Variants in CGAS observed in about 807,000 individuals in gnomAD.
CGAS encodes the protein cyclic GMP-AMP synthase, also known as 2'3'-cGAMP synthase.
CGAS carries 31 observed loss-of-function variants against 34.0 expected under a neutral mutation model. That is an observed-to-expected ratio of 0.91 (90% CI 0.69 to 1.23). The LOEUF (loss-of-function observed/expected upper bound fraction) is 1.23. CGAS is among the 50% of genes most tolerant of loss of function. The pLI is 0.00. For synonymous variants in CGAS, 266 were observed against 260.0 expected (o/e 1.02, Z -0.22); for missense variants, 597 against 657.6 (o/e 0.91, Z 1.01).
chr6:73,429,895 C>T (rs767772913), intron 3 of CGAS, among the ~76,000 whole-genome samples: 25 of 152,046 alleles, frequency 1.6e-4, no homozygotes, highest in African/African-American at 4.1e-4. Flanking sequence ...CCTGTTACTT[C>T]GTGGTTTTAT....
At chr6:73,449,501 A>ACACACACACACC (rs1301423212) in intron 1 of CGAS, among the ~76,000 whole-genome samples, 8 of 151,552 alleles carry the variant, frequency 5.3e-5, no homozygotes, top group Admixed American at 6.6e-5. Flanking sequence ...ACACACACAC[A>ACACACACACACC]CACACACAAA....
At chr6:73,436,628 T>A (rs992328324) in intron 3 of CGAS, among the ~76,000 whole-genome samples, 17 of 151,838 alleles carry the variant, frequency 1.1e-4, no homozygotes, top group Non-Finnish European at 2.2e-4. Context: ...GCTCAAGTGA[T>A]CCCCTGACAT....
At chr6:73,432,392 C>T (rs766431736) in intron 3 of CGAS, among the ~76,000 whole-genome samples, 5 of 152,088 alleles carry the variant, frequency 3.3e-5, no homozygotes, top group Non-Finnish European at 5.9e-5. Flanking sequence ...CACTCCTGAC[C>T]TCAGGTGACC....
intron 1 of CGAS, among the ~76,000 whole-genome samples, chr6:73,450,039 A>AAG (rs35518684): frequency 4.1e-3 from 612 of 148,322 alleles, no homozygotes; most frequent in Middle Eastern, 0.014. Context: ...GAACAAAATA[A>AAG]AGAGAGAGAG....
intron 3 of CGAS, among the ~76,000 whole-genome samples, chr6:73,433,484 G>GTT (rs544194036): frequency 2.0e-3 from 285 of 139,620 alleles, no homozygotes; most frequent in African/African-American, 7.3e-3. Flanking sequence ...TTTATAGAGA[G>GTT]TTTTTTTTTT....
intron 2 of CGAS, among the ~76,000 whole-genome samples, chr6:73,445,020 G>T (rs1405830331): frequency 6.6e-6 from 1 of 152,062 alleles, no homozygotes; most frequent in Non-Finnish European, 1.5e-5. Flanking sequence ...GGATATGTTT[G>T]GTTATAGATT....
chr6:73,449,356 TC>T (rs1302205648), intron 1 of CGAS, among the ~76,000 whole-genome samples: 1 of 151,820 alleles, frequency 6.6e-6, no homozygotes, highest in African/African-American at 2.4e-5. Flanking sequence ...GCGCCTGTAG[TC>T]CCAGCTACTT....
intron 3 of CGAS, chr6:73,439,894 C>G: frequency 3.6e-6 from 1 of 279,070 alleles, no homozygotes; most frequent in South Asian, 4.7e-5. Context: ...ATTCACACAA[C>G]TAGTAGAAGG....
At chr6:73,429,640 C>A (rs1770153697) in intron 3 of CGAS, among the ~76,000 whole-genome samples, 1 of 150,188 alleles carries the variant, frequency 6.7e-6, no homozygotes, top group Non-Finnish European at 1.5e-5. Context: ...TCCTGGCTAA[C>A]ACAGTGAAAC....
intron 3 of CGAS, among the ~76,000 whole-genome samples, chr6:73,431,030 A>T (rs1326528401): frequency 6.6e-6 from 1 of 152,046 alleles, no homozygotes; most frequent in Non-Finnish European, 1.5e-5. Context: ...TGAATTCAGG[A>T]GGCAGAGGTT....
At chr6:73,431,943 T>C (rs900815037) in intron 3 of CGAS, among the ~76,000 whole-genome samples, 6 of 151,338 alleles carry the variant, frequency 4.0e-5, no homozygotes, top group Admixed American at 4.0e-4. Context: ...AATCTTCTCA[T>C]GTTAGCCGTT....
intron 1 of CGAS, among the ~76,000 whole-genome samples, chr6:73,450,688 T>C (rs1201723034): frequency 6.6e-6 from 1 of 151,856 alleles, no homozygotes; most frequent in Non-Finnish European, 1.5e-5. Context: ...GATTTCTGTG[T>C]AAGAAACTGG....
chr6:73,444,537 G>T (rs1241615702), intron 2 of CGAS, among the ~76,000 whole-genome samples: 2 of 146,884 alleles, frequency 1.4e-5, no homozygotes, highest in Admixed American at 1.4e-4. Flanking sequence ...TCAAACTCCT[G>T]AGCTCAGGTG....
At chr6:73,427,278 CTTTATTTATTTA>C (rs10628387) in intron 4 of CGAS, among the ~76,000 whole-genome samples, 25,587 of 143,496 alleles carry the variant, frequency 0.18, 2,569 homozygotes, top group Non-Finnish European at 0.21. Context: ...GGCCAACTTA[CTTTATTTATTTA>C]TTTATTTATT....
At chr6:73,449,067 T>A (rs1770516206) in intron 1 of CGAS, among the ~76,000 whole-genome samples, 1 of 150,654 alleles carries the variant, frequency 6.6e-6, no homozygotes, top group African/African-American at 2.4e-5. Context: ...CCACCCTGGG[T>A]GACAGAGCAA....
intron 3 of CGAS, among the ~76,000 whole-genome samples, chr6:73,432,325 C>G (rs543492761): frequency 6.6e-6 from 1 of 152,114 alleles, no homozygotes; most frequent in Non-Finnish European, 1.5e-5. Context: ...CCATGCCCGG[C>G]TAATTTTGTA....
At chr6:73,426,465 G>C (rs1015441284) in intron 4 of CGAS, among the ~76,000 whole-genome samples, 12 of 150,716 alleles carry the variant, frequency 8.0e-5, no homozygotes, top group Non-Finnish European at 1.2e-4. Context: ...CCCATTCTTA[G>C]CTTAAATATA....
Position 73,451,904 on chromosome 6 carries a change from G to T in CGAS, c.278C>A (p.Pro93Gln). The T allele has an allele frequency of 6.5e-7, 1 of 1,526,864 alleles. No individual in the cohort carries two copies. Among genetic ancestry groups the T allele is most frequent in the Non-Finnish European group, 8.8e-7 (1 of 1,133,392 alleles). The allele number at this position is 1,526,864 out of a possible 1,614,324, so 94.6% of individuals were successfully genotyped here. ...KAPQRAQDTQ[P>Q]SDATSAPGAE... ...CCCAGGGGCGCTGGTGGCGTCAGAC[G>T]GCTGCGTGTCCTGGGCGCGCTGAGG... The change falls in exon 1 of 5, where the codon CCG (proline) becomes CAG (glutamine). Residue 93 changes from proline to glutamine, a missense_variant. Pro to Gln is a moderately conservative substitution (Grantham distance 76, BLOSUM62 -1). Transcript: ENST00000370315.
chr6:73,445,326 A>C (rs1450390210), intron 2 of CGAS, among the ~76,000 whole-genome samples: 1 of 151,606 alleles, frequency 6.6e-6, no homozygotes, highest in African/African-American at 2.4e-5. Flanking sequence ...AAATAGATAA[A>C]GACCTCTACC....
Sources: gnomAD v4.1 joint callset for allele counts (sites outside exome capture counted in the v4.1 genomes callset) on GRCh38, gnomAD v4.1.1 for gene constraint, MANE v1.5 for transcripts, NCBI Gene and HGNC (gene_info 2026-07-23, HGNC 2026-07-21) for gene names.